Variants in PPM1E observed in about 807,000 individuals in gnomAD.
The protein encoded by PPM1E is protein phosphatase 1E.
In PPM1E, 20 loss-of-function variants were observed where a neutral mutation model predicts 65.9. That is an observed-to-expected ratio of 0.30 (90% CI 0.21 to 0.44). The LOEUF is 0.44. Ranked by LOEUF, PPM1E falls within the 20% of genes least tolerant of loss-of-function variation. The pLI, the probability that PPM1E is intolerant of heterozygous loss-of-function variation, is 1.00. For synonymous variants in PPM1E, 352 were observed against 374.9 expected (o/e 0.94, Z 0.70); for missense variants, 713 against 953.1 (o/e 0.75, Z 3.32).
chr17:58,835,158 T>C (rs1316013412), intron 1 of PPM1E, among the ~76,000 whole-genome samples: 1 of 152,036 alleles, frequency 6.6e-6, no homozygotes, highest in Admixed American at 6.5e-5. Flanking sequence ...CTCAGCAACA[T>C]AGTGAGACCT....
intron 4 of PPM1E, among the ~76,000 whole-genome samples, chr17:58,971,356 G>A (rs1488437744): frequency 6.6e-6 from 1 of 152,108 alleles, no homozygotes; most frequent in Non-Finnish European, 1.5e-5. Context: ...TGACGCATTG[G>A]TTCTAATTTA....
At chr17:58,939,178 A>C (rs1278832546) in intron 1 of PPM1E, among the ~76,000 whole-genome samples, 1 of 152,210 alleles carries the variant, frequency 6.6e-6, no homozygotes, top group Non-Finnish European at 1.5e-5. Context: ...AAAACAAACT[A>C]AAATAATTTG....
At chr17:58,852,978 T>C (rs2065145123) in intron 1 of PPM1E, among the ~76,000 whole-genome samples, 2 of 152,212 alleles carry the variant, frequency 1.3e-5, no homozygotes, top group South Asian at 4.1e-4. Context: ...GTTTGGTTTT[T>C]ATATTGTTGA....
chr17:58,881,526 G>A (rs760039565), intron 1 of PPM1E, among the ~76,000 whole-genome samples: 38 of 152,076 alleles, frequency 2.5e-4, no homozygotes, highest in Admixed American at 8.5e-4. Context: ...AGCCGGGTGT[G>A]GTGGCGAGTG....
chr17:58,764,749 A>G (rs1347398530), intron 1 of PPM1E, among the ~76,000 whole-genome samples: 1 of 152,014 alleles, frequency 6.6e-6, no homozygotes, highest in African/African-American at 2.4e-5. Flanking sequence ...ACATGCCACC[A>G]TGCTCGGCTA....
At chr17:58,909,928 T>TTC (rs1555619133) in intron 1 of PPM1E, among the ~76,000 whole-genome samples, 9 of 135,126 alleles carry the variant, frequency 6.7e-5, no homozygotes, top group Non-Finnish European at 1.4e-4. Flanking sequence ...CTTTTTCTTT[T>TTC]TTTTTTTTTT....
intron 1 of PPM1E, among the ~76,000 whole-genome samples, chr17:58,826,304 CA>C (rs11479413): frequency 0.62 from 68,218 of 110,728 alleles, 18,030 homozygotes; most frequent in Middle Eastern, 0.71. Flanking sequence ...GACTCGATCT[CA>C]AAAAAAAAAA....
At chr17:58,910,645 C>T (rs1289121694) in intron 1 of PPM1E, among the ~76,000 whole-genome samples, 2 of 152,162 alleles carry the variant, frequency 1.3e-5, no homozygotes, top group Non-Finnish European at 2.9e-5. Context: ...TTAGGGGAAA[C>T]TAGTCCTGTA....
chr17:58,803,001 C>T (rs2050273188), intron 1 of PPM1E, among the ~76,000 whole-genome samples: 1 of 152,034 alleles, frequency 6.6e-6, no homozygotes, highest in African/African-American at 2.4e-5. Context: ...TTCCTCTTTT[C>T]TCATCTGGAT....
chr17:58,885,883 G>A (rs1468418982), intron 1 of PPM1E, among the ~76,000 whole-genome samples: 6 of 152,202 alleles, frequency 3.9e-5, no homozygotes, highest in Non-Finnish European at 5.9e-5. Context: ...CATGGGAGTA[G>A]GGAGGAGAAT....
At chr17:58,823,368 A>G (rs148678971) in intron 1 of PPM1E, among the ~76,000 whole-genome samples, 2 of 152,342 alleles carry the variant, frequency 1.3e-5, no homozygotes, top group Admixed American at 6.5e-5. Context: ...AATTCTAGGC[A>G]CAGGAATGGT....
intron 1 of PPM1E, among the ~76,000 whole-genome samples, chr17:58,815,821 AAGAG>A (rs944556108): frequency 3.3e-5 from 5 of 152,172 alleles, no homozygotes; most frequent in Non-Finnish European, 7.4e-5. Context: ...TCTTAATGAT[AAGAG>A]AGATTTTTTA....
chr17:58,784,128 T>C (rs554375028), intron 1 of PPM1E, among the ~76,000 whole-genome samples: 2 of 151,804 alleles, frequency 1.3e-5, no homozygotes, highest in Non-Finnish European at 2.9e-5. Context: ...GTTGAAGCAA[T>C]TCTCCCACCT....
At chr17:58,816,781 TATATATATATATA>T (rs1434950970) in intron 1 of PPM1E, among the ~76,000 whole-genome samples, 79 of 13,328 alleles carry the variant, frequency 5.9e-3, no homozygotes, top group South Asian at 9.4e-3. Flanking sequence ...TATATATATA[TATATATATATATA>T]TTTTTTTTTT....
chr17:58,822,294 C>T (rs2050488011), intron 1 of PPM1E, among the ~76,000 whole-genome samples: 1 of 151,856 alleles, frequency 6.6e-6, no homozygotes, highest in African/African-American at 2.4e-5. Context: ...GGGTTGTTTA[C>T]TTAGAAGTAA....
intron 3 of PPM1E, chr17:58,966,429 A>C (rs1307590814): frequency 3.2e-5 from 10 of 315,784 alleles, no homozygotes; most frequent in Middle Eastern, 1.2e-3. Context: ...AAAAAAAAAA[A>C]AAAAAAAAAA....
chr17:58,806,645 G>A (rs1196405034), intron 1 of PPM1E, among the ~76,000 whole-genome samples: 1 of 151,736 alleles, frequency 6.6e-6, no homozygotes, highest in African/African-American at 2.4e-5. Context: ...GAATATGAAA[G>A]TGGCTGCCAC....
intron 1 of PPM1E, among the ~76,000 whole-genome samples, chr17:58,775,892 G>A (rs1423785256): frequency 8.2e-6 from 1 of 122,066 alleles, no homozygotes; most frequent in African/African-American, 3.0e-5. Context: ...CCGCAGTCCG[G>A]CCTGGGCGAC....
intron 1 of PPM1E, among the ~76,000 whole-genome samples, chr17:58,917,172 T>C (rs571417355): frequency 6.7e-6 from 1 of 149,598 alleles, no homozygotes; most frequent in Non-Finnish European, 1.5e-5. Context: ...ATTGCACCAC[T>C]GCACTCCAGC....
Sources: allele counts gnomAD v4.1 joint callset (sites outside exome capture counted in the v4.1 genomes callset), GRCh38; gene constraint gnomAD v4.1.1; transcripts MANE v1.5; gene names NCBI Gene and HGNC (gene_info 2026-07-23, HGNC 2026-07-21).